EPN3: variants seen among roughly 807,000 people sequenced by gnomAD.
The protein encoded by EPN3 is epsin 3.
Under a neutral mutation model 55.5 loss-of-function variants are expected in EPN3, and 56 were observed. That is an observed-to-expected ratio of 1.01 (90% CI 0.81 to 1.26). The LOEUF (loss-of-function observed/expected upper bound fraction) is 1.26. Ranked by LOEUF, EPN3 falls within the 50% of genes most tolerant of loss-of-function variation. The probability of loss-of-function intolerance (pLI) is 0.00; values close to 1 mark genes in which losing one functional copy is unlikely to be tolerated. For synonymous variants in EPN3, 449 were observed against 375.2 expected, an observed-to-expected ratio of 1.20 and a Z score of -2.27; for missense variants, 927 against 853.4, an observed-to-expected ratio of 1.09 and a Z score of -1.07.
At chr17:50,533,496 A>G (rs1408027010) in intron 1 of EPN3, among the ~76,000 whole-genome samples, 2 of 152,156 alleles carry the variant, frequency 1.3e-5, no homozygotes, top group Non-Finnish European at 2.9e-5. Context: ...GGACGGGAAG[A>G]GGGTGTGGGC....
chr17:50,532,960 T>G lies in EPN3; in HGVS notation c.-162T>G, dbSNP rs1454926023. 7.8e-7 allele frequency: 1 copy of G among 1,285,646 alleles called. No individual in the cohort carries two copies. Among genetic ancestry groups the G allele is most frequent in the African/African-American group, 1.5e-5 (1 of 65,586 alleles). 79.6% of individuals were successfully genotyped at this position (1,285,646 alleles called of 1,614,324 possible). On this transcript the variant is annotated 5_prime_UTR_variant, in exon 1 of 10. Coordinates refer to ENST00000268933, the MANE Select transcript of EPN3 (RefSeq NM_017957.3). ...CCGCAGAGGCTACTCGGGCTGGGGC[T>G]GGGGCCGAGGGAGCCCGCACTGGAG...
Position 50,543,655 on chromosome 17 carries a change from G to T in EPN3, c.*1498G>T, listed in dbSNP as rs1182173714. 6.6e-6 allele frequency: 1 copy of T among 152,196 alleles called. No homozygotes were observed. The highest frequency in any genetic ancestry group is 1.5e-5 in the Non-Finnish European group (1 of 68,046). The allele number at this position is 152,196 out of a possible 1,614,324, so 9.4% of individuals were successfully genotyped here. A position where few individuals can be genotyped will look rare whatever the true frequency, so the allele number is the denominator to read the frequency against. ...CCTGCTCAGGAGTCAGACTTACAGG[G>T]TTCAAAGTTCTGCTCCAAGGTTTGA... On this transcript the variant is annotated 3_prime_UTR_variant, in exon 10 of 10. Coordinates refer to ENST00000268933, the MANE Select transcript of EPN3 (RefSeq NM_017957.3).
rs2034786178 is a variant in EPN3, at chr17:50,537,787, C to T, written c.563-292C>T. ...GCCAGGACAGGGTCCATCTGGAAGT[C>T]CAAGAGCTGGAGTCAGGGCACCTGG... On this transcript the variant is annotated intron_variant, in intron 2 of 9. Transcript: ENST00000268933. 3 of 395,530 alleles carry T rather than the reference C, an allele frequency of 7.6e-6. No homozygotes were observed. The South Asian group carries it at 1.6e-4, about 20-fold the overall frequency. 24.5% of individuals were successfully genotyped at this position (395,530 alleles called of 1,614,324 possible). A position where few individuals can be genotyped will look rare whatever the true frequency, so the allele number is the denominator to read the frequency against.
chr17:50,538,265 CT>C (rs2034794131), intron 3 of EPN3, 68 bp downstream of exon 3: 2 of 1,313,926 alleles, frequency 1.5e-6, no homozygotes, highest in Non-Finnish European at 2.1e-6. Context: ...CTGGGAGCCC[CT>C]TGGCCTTGAC....
At chr17:50,537,285 C>A (rs962898271) in intron 2 of EPN3, 167 bp downstream of exon 2, 5 of 682,266 alleles carry the variant, frequency 7.3e-6, no homozygotes, top group Non-Finnish European at 1.2e-5. Flanking sequence ...ATAGGAGGTG[C>A]TCAACAAGTT....
At position 50,541,966 on chromosome 17, in the gene EPN3, C is replaced by T. The variant is rs765911662; in HGVS notation, c.1708C>T (p.Leu570=). The T allele has an allele frequency of 6.3e-7, 1 of 1,596,792 alleles. No individual in the cohort carries two copies. The highest frequency in any genetic ancestry group is 1.1e-5 in the South Asian group (1 of 90,708). ...GLAGGPVGAP[L]GSMTYSASLP... ...GGCAGGCGGGCCTGTGGGGGCGCCC[C>T]TGGGCTCCATGACCTACAGCGCCTC... Residue 570 remains leucine, a synonymous_variant, in exon 10 of 10, where the codon CTG becomes TTG. Coordinates refer to ENST00000268933, the MANE Select transcript of EPN3 (RefSeq NM_017957.3).
At chr17:50,534,413 G>T in intron 1 of EPN3, 3 of 985,580 alleles carry the variant, frequency 3.0e-6, no homozygotes, top group Non-Finnish European at 3.6e-6. Context: ...CTCTGGTGCA[G>T]TCACAGTGCC....
chr17:50,537,144 G>T (rs746760118), intron 2 of EPN3, 26 bp downstream of exon 2: 4 of 1,545,916 alleles, frequency 2.6e-6, no homozygotes, highest in Non-Finnish European at 3.5e-6. Flanking sequence ...TGTGTGGCTG[G>T]GATGGGGAGG....
rs2034857338 is a variant in EPN3, at chr17:50,542,053, T to C, written c.1795T>C (p.Phe599Leu). ...GLTLPASVSV[F>L]PQAGAFAPQP... The stretch of plus-strand genomic sequence containing the variant: ...GACCCTCCCCGCCTCGGTTAGCGTC[T>C]TCCCGCAGGCCGGAGCCTTCGCACC... Residue 599 changes from phenylalanine to leucine, a missense_variant, in exon 10 of 10, where the codon TTC becomes CTC. Transcript: ENST00000268933. 6 of 1,593,610 alleles carry C rather than the reference T, an allele frequency of 3.8e-6. No homozygotes were observed. In the East Asian group the frequency reaches 1.4e-4, roughly 36 times the overall value.
Position 50,540,287 on chromosome 17 carries a change from T to G in EPN3, c.932T>G (p.Leu311Arg). ...LDLADIFVPA[L>R]APPSTHCSAD... ...TTGGCTGACATCTTCGTACCTGCCC[T>G]GGCCCCGCCCTCCACACACTGCTCT... The change falls in exon 6 of 10, where the codon CTG becomes CGG. Residue 311 changes from leucine to arginine, a missense_variant. Leu to Arg is a moderately radical substitution (Grantham distance 102, BLOSUM62 -2). Coordinates refer to ENST00000268933, the MANE Select transcript of EPN3 (RefSeq NM_017957.3). 6.2e-7 allele frequency: 1 copy of G among 1,612,716 alleles called. No individual in the cohort carries two copies. The highest frequency in any genetic ancestry group is 8.5e-7 in the Non-Finnish European group (1 of 1,179,954).
At chr17:50,539,341 G>A (rs1483276809) in intron 5 of EPN3, 26 bp downstream of exon 5, 3 of 1,613,416 alleles carry the variant, frequency 1.9e-6, no homozygotes, top group Admixed American at 1.7e-5. Context: ...CGGTGCTTGG[G>A]ATGGACAGGG....
rs2034807822 is a variant in EPN3, at chr17:50,539,073, A to G, written c.762+109A>G. The G allele has an allele frequency of 1.0e-5, 16 of 1,553,040 alleles. No homozygotes were observed. The Admixed American group carries it at 2.7e-4, about 27-fold the overall frequency. The stretch of plus-strand genomic sequence containing the variant: ...TGTACCCGGTGGCCCTGCTGCTCCT[A>G]ACCTCTCAGCTGCCTCCCACCCTGC... On this transcript the variant is annotated intron_variant, in intron 4 of 9. Transcript: ENST00000268933.
In EPN3 at chr17:50,538,969, T is replaced by C. The variant is rs750440407; in HGVS notation, c.762+5T>C. On this transcript the variant is annotated splice_donor_5th_base_variant and intron_variant, in intron 4 of 9. Coordinates refer to ENST00000268933, the MANE Select transcript of EPN3 (RefSeq NM_017957.3). ...AGCCGGCAGGAGCACGAGAAGGTAG[T>C]GGGCCGAGCCCGCTGGGCTGCCGGT... 4.4e-6 allele frequency: 7 copies of C among 1,597,516 alleles called. No homozygotes were observed. The South Asian group carries it at 6.7e-5, about 15-fold the overall frequency.
chr17:50,541,711 TC>T lies in EPN3; in HGVS notation c.1585+20del, dbSNP rs778095939. 1 of 1,612,038 alleles carries T rather than the reference TC, an allele frequency of 6.2e-7. No individual in the cohort carries two copies. The highest frequency in any genetic ancestry group is 1.7e-5 in the Admixed American group (1 of 59,970). ...TCCTGACAGGTAAGATATGCCCTTG[TC>T]CCTCAACCCAGGGGCTCCTGCTTTC... On this transcript the variant is annotated intron_variant, in intron 9 of 9. Coordinates refer to ENST00000268933, the MANE Select transcript of EPN3 (RefSeq NM_017957.3).
At chr17:50,535,802 T>TC (rs2034751213) in intron 1 of EPN3, among the ~76,000 whole-genome samples, 1 of 152,016 alleles carries the variant, frequency 6.6e-6, no homozygotes, top group Non-Finnish European at 1.5e-5. Context: ...CTACAAAAAT[T>TC]AACAATATGA....
Position 50,542,393 on chromosome 17 carries a change from G to A in EPN3, c.*236G>A. The A allele has an allele frequency of 2.2e-6, 1 of 453,384 alleles. No homozygotes were observed. The allele number at this position is 453,384 out of a possible 1,614,324, so 28.1% of individuals were successfully genotyped here. On this transcript the variant is annotated 3_prime_UTR_variant, in exon 10 of 10. Coordinates refer to ENST00000268933, the MANE Select transcript of EPN3 (RefSeq NM_017957.3). ...AGCTCTCACCAAGTGGACTTTTTGC[G>A]GGGTGTGGCGGCCGGGTCTCGACCA... is the stretch of plus-strand genomic sequence containing the variant.
intron 3 of EPN3, 64 bp from the exon 4 acceptor site, chr17:50,538,820 A>G (rs2034802396): frequency 1.5e-6 from 2 of 1,301,268 alleles, no homozygotes; most frequent in Non-Finnish European, 2.1e-6. Context: ...AGGCAGGCCT[A>G]TACTGCCCTT....
intron 1 of EPN3, among the ~76,000 whole-genome samples, chr17:50,534,242 G>A (rs1247154034): frequency 6.6e-6 from 1 of 152,120 alleles, no homozygotes; most frequent in Admixed American, 6.5e-5. Flanking sequence ...TTCTGGCCCC[G>A]CCCTTCCCCC....
intron 2 of EPN3, chr17:50,537,386 G>A (rs992748919): frequency 6.5e-5 from 34 of 521,334 alleles, no homozygotes; most frequent in Non-Finnish European, 4.1e-5. Flanking sequence ...TTTGGAGTCA[G>A]ATAGCATTCT....
Sources: allele counts gnomAD v4.1 joint callset (sites outside exome capture counted in the v4.1 genomes callset), GRCh38; gene constraint gnomAD v4.1.1; transcripts MANE v1.5; gene names NCBI Gene and HGNC (gene_info 2026-07-23, HGNC 2026-07-21).